Variants in DLG5 observed in about 807,000 individuals in gnomAD.
DLG5 encodes the protein disks large homolog 5.
Under a neutral mutation model 189.8 loss-of-function variants are expected in DLG5, and 48 were observed. That is an observed-to-expected ratio of 0.25 (90% CI 0.20 to 0.32). The LOEUF (loss-of-function observed/expected upper bound fraction) is 0.32. Among genes scored for constraint, DLG5 ranks in the 10% least tolerant of loss-of-function variants. The pLI is 1.00. For synonymous variants in DLG5, 1,016 were observed against 1,054.1 expected (o/e 0.96, Z 0.70); for missense variants, 2,160 against 2,544.7 (o/e 0.85, Z 3.25).
rs933753342 is a variant in DLG5 at position 77,926,613 on chromosome 10, G to C, written c.-93C>G. The C allele has an allele frequency of 2.6e-4, 268 of 1,030,512 alleles. No homozygotes were observed. The African/African-American group carries it at 3.4e-3, about 13-fold the overall frequency. The allele number at this position is 1,030,512 out of a possible 1,614,324, so 63.8% of individuals were successfully genotyped here. A position where few individuals can be genotyped will look rare whatever the true frequency, so the allele number is the denominator to read the frequency against. ...GGCGAGCACCTCGGCAGCAGCCCTAGGGCGCCGGGAGCCGTGAGGCGGCGG... is the reference window on the plus strand; with the variant it reads ...GGCGAGCACCTCGGCAGCAGCCCTACGGCGCCGGGAGCCGTGAGGCGGCGG... On this transcript the variant is annotated 5_prime_UTR_variant, in exon 1 of 32. Coordinates refer to ENST00000372391, the MANE Select transcript of DLG5 (RefSeq NM_004747.4). The surrounding 1 kb of genome is among the most constrained non-coding windows in gnomAD (Gnocchi z 5.2).
chr10:77,792,526 C>A lies in DLG5; in HGVS notation c.5674G>T (p.Ala1892Ser). Residue 1892 changes from alanine to serine, a missense_variant, in exon 32 of 32, where the codon GCC becomes TCC. By Grantham distance (99) the Ala-to-Ser change is moderately conservative. This residue lies in a region of DLG5 where 574 missense variants were observed against 644.2 expected (regional missense o/e 0.89). Transcript: ENST00000372391. Reference protein sequence around the residue: ...RYFTGVIQGGALSSICTQILA... With the variant: ...RYFTGVIQGGSLSSICTQILA... ...ATCTGAGTGCAAATGCTTGACAGGGCTCCTCCCTGGATGACCCCTGCAAAA... is the reference window on the plus strand; with the variant it reads ...ATCTGAGTGCAAATGCTTGACAGGGATCCTCCCTGGATGACCCCTGCAAAA... 1.9e-6 allele frequency: 3 copies of A among 1,614,166 alleles called. No homozygotes were observed. The highest frequency in any genetic ancestry group is 2.5e-6 in the Non-Finnish European group (3 of 1,180,034).
intron 13 of DLG5, chr10:77,824,799 T>C: frequency 3.6e-6 from 1 of 275,858 alleles, no homozygotes; most frequent in Non-Finnish European, 6.7e-6. Flanking sequence ...GCTCAGAACT[T>C]CCCAGCTCCT....
At chr10:77,912,538 A>T (rs2131840438) in intron 1 of DLG5, 1 of 152,188 alleles carries the variant, frequency 6.6e-6, no homozygotes, top group African/African-American at 2.4e-5. Flanking sequence ...ACATGCCAGC[A>T]TGCCCACAAG....
At chr10:77,800,559 G>A (rs755137876) in intron 27 of DLG5, among the ~76,000 whole-genome samples, 9 of 151,362 alleles carry the variant, frequency 5.9e-5, no homozygotes, top group Non-Finnish European at 1.2e-4. Context: ...ACCCAGGCAC[G>A]GGGCCGCCGC....
At chr10:77,875,577 G>A (rs999843282) in intron 1 of DLG5, among the ~76,000 whole-genome samples, 1 of 152,176 alleles carries the variant, frequency 6.6e-6, no homozygotes, top group African/African-American at 2.4e-5. Context: ...GAGGGGAGTC[G>A]CAGTGTGTGG....
intron 11 of DLG5, among the ~76,000 whole-genome samples, chr10:77,829,925 T>A (rs184342153): frequency 6.6e-6 from 1 of 152,252 alleles, no homozygotes; most frequent in African/African-American, 2.4e-5. Context: ...TTTCCCTGAA[T>A]GAGCATGCCA....
intron 15 of DLG5, chr10:77,820,737 C>T: frequency 3.3e-6 from 1 of 305,836 alleles, no homozygotes; most frequent in Non-Finnish European, 6.0e-6. Flanking sequence ...CGTCCCGCTG[C>T]CCACTCAGCC....
At chr10:77,884,522 C>T (rs1845380439) in intron 1 of DLG5, among the ~76,000 whole-genome samples, 2 of 152,098 alleles carry the variant, frequency 1.3e-5, no homozygotes, top group Non-Finnish European at 2.9e-5. Context: ...ACCTGTCCAC[C>T]TCCAGAGACA....
chr10:77,867,066 G>C (rs1844710709), intron 2 of DLG5: 1 of 456,884 alleles, frequency 2.2e-6, no homozygotes, highest in Non-Finnish European at 4.4e-6. Flanking sequence ...AGAGCACAGA[G>C]ATACTGTTGA....
At chr10:77,801,314 C>T (rs892296286) in intron 27 of DLG5, among the ~76,000 whole-genome samples, 2 of 152,034 alleles carry the variant, frequency 1.3e-5, no homozygotes, top group African/African-American at 4.8e-5. Flanking sequence ...TAAAATACAA[C>T]TTCTGAAAGT....
chr10:77,806,718 A>ACCGCCCCCCC, intron 26 of DLG5, 40 bp downstream of exon 26: 1 of 1,333,654 alleles, frequency 7.5e-7, no homozygotes, highest in Non-Finnish European at 1.1e-6. Context: ...GCCCTCGGCG[A>ACCGCCCCCCC]CCCCTGCCCC....
chr10:77,796,235 G>GC lies in DLG5; in HGVS notation c.5309-48dup. On this transcript the variant is annotated intron_variant, in intron 28 of 31. Coordinates refer to ENST00000372391, the MANE Select transcript of DLG5 (RefSeq NM_004747.4). This position sits in a 1 kb window ranked among gnomAD's most constrained non-coding sequence, Gnocchi z 5.2. ...ATCAGGGAGCCCCAGGCCCTGCTGA[G>GC]CCCCAGCAGAGGGAGCAGGGGAAGA... The GC allele has an allele frequency of 6.2e-7, 1 of 1,613,154 alleles. No homozygotes were observed. Among genetic ancestry groups the GC allele is most frequent in the Non-Finnish European group, 8.5e-7 (1 of 1,179,798 alleles).
At chr10:77,940,651 C>G in the DLG5 span, among the ~76,000 whole-genome samples, 4 of 152,220 alleles carry the variant, frequency 2.6e-5, no homozygotes, top group East Asian at 5.8e-4. Context: ...TGAATCCAAG[C>G]AGGAAAATGC....
At position 77,796,747 on chromosome 10, in the gene DLG5, G is replaced by A. The variant is rs1050796689; in HGVS notation, c.5165-153C>T. Reference sequence around the variant, plus strand: ...AAAATCTCGTGTCCCAGGCACAACCGGGCATCGTCACCCCTGGAGTCCAGC... The same window carrying A: ...AAAATCTCGTGTCCCAGGCACAACCAGGCATCGTCACCCCTGGAGTCCAGC... On this transcript the variant is annotated intron_variant, in intron 27 of 31. Coordinates refer to ENST00000372391, the MANE Select transcript of DLG5 (RefSeq NM_004747.4). This position sits in a 1 kb window ranked among gnomAD's most constrained non-coding sequence, Gnocchi z 5.2. Among the ~76,000 whole-genome samples the A allele has an allele frequency of 3.3e-5, 5 of 152,126 alleles. No homozygotes were observed. Among genetic ancestry groups the A allele is most frequent in the African/African-American group, 1.2e-4 (5 of 41,408 alleles).
Position 77,828,865 on chromosome 10 carries a change from CCAGCCT to C in DLG5, c.2289+11_2289+16del. 1 of 828,348 alleles carries C rather than the reference CCAGCCT, an allele frequency of 1.2e-6. No homozygotes were observed. The highest frequency in any genetic ancestry group is 2.3e-5 in the South Asian group (1 of 43,710). 51.3% of individuals were successfully genotyped at this position (828,348 alleles called of 1,614,324 possible). A position where few individuals can be genotyped will look rare whatever the true frequency, so the allele number is the denominator to read the frequency against. On this transcript the variant is annotated intron_variant, in intron 13 of 31. Transcript: ENST00000372391. ...CTATGCACGGCAGATGACCCTGGCT[CCAGCCT>C]TGAGACTTACCGCAACGATCCTGTC...
chr10:77,824,605 G>GCACTTTGGCACCTTGC (rs1842524990), intron 13 of DLG5, 129 bp from the exon 14 acceptor site: 1 of 693,614 alleles, frequency 1.4e-6, no homozygotes, highest in Admixed American at 2.5e-5. Context: ...TCAGGAGTTG[G>GCACTTTGGCACCTTGC]CAAAGGATAG....
chr10:77,809,672 A>G lies in DLG5; in HGVS notation c.4522T>C (p.Ser1508Pro). 1.2e-6 allele frequency: 2 copies of G among 1,614,148 alleles called. No homozygotes were observed. Among genetic ancestry groups the G allele is most frequent in the Non-Finnish European group, 1.7e-6 (2 of 1,180,014 alleles). The change falls in exon 24 of 32, where the codon TCC becomes CCC. Residue 1508 changes from serine to proline, a missense_variant. Ser to Pro is a moderately conservative substitution (Grantham distance 74, BLOSUM62 -1). Around this residue, in one of 5 missense-constraint regions of DLG5, gnomAD observed 574 missense variants for 644.2 expected, o/e 0.89. Transcript: ENST00000372391. ...LEPRVVFIKK[S>P]QLELGVHLCG... is the part of the protein sequence containing the mutation. ...AAGTGCACCCCAAGCTCCAGCTGGG[A>G]CTTTTTGATGAAGACAACGCGTGGC...
intron 5 of DLG5, 61 bp from the exon 6 acceptor site, chr10:77,843,767 A>C (rs1843547327): frequency 1.2e-6 from 2 of 1,600,688 alleles, no homozygotes; most frequent in Non-Finnish European, 1.7e-6. Flanking sequence ...GAGACCTCCC[A>C]CTCTCACTTT....
the DLG5 span, among the ~76,000 whole-genome samples, chr10:77,935,974 G>T: frequency 1.3e-4 from 20 of 152,242 alleles, no homozygotes; most frequent in African/African-American, 4.6e-4. Context: ...ATGCCATATT[G>T]CACACACCTT....
Sources: allele counts gnomAD v4.1 joint callset (sites outside exome capture counted in the v4.1 genomes callset), GRCh38; gene constraint gnomAD v4.1.1; regional missense constraint gnomAD v4.1.1; non-coding constraint Gnocchi (gnomAD v3.1); transcripts MANE v1.5; gene names NCBI Gene and HGNC (gene_info 2026-07-23, HGNC 2026-07-21).